Variants in FAM167A observed in about 807,000 individuals in gnomAD.
The protein encoded by FAM167A is protein FAM167A.
FAM167A carries 23 observed loss-of-function variants against 14.9 expected under a neutral mutation model. The ratio of observed to expected loss-of-function variants is 1.55; its 90% CI spans 1.11 to 2.19. FAM167A has a LOEUF of 2.19. FAM167A is among the 30% of genes most tolerant of loss of function. The pLI, the probability that FAM167A is intolerant of heterozygous loss-of-function variation, is 0.00. For missense variants in FAM167A, 401 were observed against 281.5 expected (o/e 1.42, Z -3.04); for synonymous variants, 174 against 117.7 (o/e 1.48, Z -3.10).
chr8:11,428,726 C>T (rs1281762583), intron 2 of FAM167A, among the ~76,000 whole-genome samples: 2 of 152,206 alleles, frequency 1.3e-5, no homozygotes, highest in East Asian at 3.8e-4. Flanking sequence ...CAGGGTTTGT[C>T]CCCGTGATGC....
At chr8:11,443,723 C>T (rs1325285322) in intron 2 of FAM167A, 2 of 316,030 alleles carry the variant, frequency 6.3e-6, no homozygotes, top group South Asian at 3.6e-5. Flanking sequence ...GAGCCAGACT[C>T]CAGTACTGGG....
rs1226532098 is a variant in FAM167A at position 11,423,149 on chromosome 8, ACCAAAGGT to A, written c.*1216_*1223del. 1 of 152,222 alleles carries A rather than the reference ACCAAAGGT, an allele frequency of 6.6e-6. No homozygotes were observed. Among genetic ancestry groups the A allele is most frequent in the African/African-American group, 2.4e-5 (1 of 41,384 alleles). The allele number at this position is 152,222 out of a possible 1,614,324, so 9.4% of individuals were successfully genotyped here. A position where few individuals can be genotyped will look rare whatever the true frequency, so the allele number is the denominator to read the frequency against. On this transcript the variant is annotated 3_prime_UTR_variant, in exon 3 of 3. Transcript: ENST00000284486. ...TAATGAGAGGACTCGACTAGATGAC[ACCAAAGGT>A]CAGAAACACTCCTTATCTCAGGATT... is the stretch of plus-strand genomic sequence containing the variant.
rs565788412 is a variant in FAM167A at position 11,442,365 on chromosome 8, T to G, written c.381+1666A>C. Among the ~76,000 whole-genome samples the G allele has an allele frequency of 5.3e-5, 8 of 152,214 alleles. 1 individual carries two copies. The highest frequency in any genetic ancestry group is 1.9e-4 in the African/African-American group (8 of 41,540). ...ATTGGTCTTCGGTGTGGCGTAGGCT[T>G]TGGGAATCCTAAAAGCTCCCCAGGT... On this transcript the variant is annotated intron_variant, in intron 2 of 2. Coordinates refer to ENST00000284486, the MANE Select transcript of FAM167A (RefSeq NM_053279.3).
chr8:11,428,200 A>G (rs1166740785), intron 2 of FAM167A, among the ~76,000 whole-genome samples: 1 of 152,222 alleles, frequency 6.6e-6, no homozygotes, highest in Admixed American at 6.5e-5. Context: ...GGGTGTGGCC[A>G]GGTGTCTAAG....
intron 2 of FAM167A, among the ~76,000 whole-genome samples, chr8:11,440,080 C>T (rs1448534222): frequency 2.0e-5 from 3 of 152,206 alleles, no homozygotes; most frequent in East Asian, 1.9e-4. Context: ...AAGGTGAAAC[C>T]TGGGGGCTGT....
chr8:11,470,129 T>C (rs182452489), upstream of FAM167A, among the ~76,000 whole-genome samples: 68 of 152,232 alleles, frequency 4.5e-4, no homozygotes, highest in South Asian at 1.9e-3. Flanking sequence ...ACAAATACGC[T>C]AAGTAAATAA....
intron 1 of FAM167A, among the ~76,000 whole-genome samples, chr8:11,466,087 T>C (rs536868529): frequency 3.2e-4 from 49 of 152,262 alleles, no homozygotes; most frequent in African/African-American, 1.1e-3. Flanking sequence ...GACCTGCTCA[T>C]TCCCGGGGGC....
chr8:11,439,472 G>C (rs560062633), intron 2 of FAM167A, among the ~76,000 whole-genome samples: 1 of 152,254 alleles, frequency 6.6e-6, no homozygotes, highest in Non-Finnish European at 1.5e-5. Context: ...CAGCCCCCTC[G>C]AAGCCACGCT....
intron 1 of FAM167A, among the ~76,000 whole-genome samples, chr8:11,460,090 G>A (rs1807478508): frequency 1.3e-5 from 2 of 152,220 alleles, no homozygotes; most frequent in Non-Finnish European, 2.9e-5. Context: ...GCCAGTCCCA[G>A]GGACAGCTGT....
chr8:11,438,002 A>T (rs2001463), intron 2 of FAM167A: 1 of 354,936 alleles, frequency 2.8e-6, no homozygotes, highest in Non-Finnish European at 5.6e-6. Flanking sequence ...TTGTCACACC[A>T]TGCCACTGTG....
chr8:11,467,280 C>A (rs1807813241), upstream of FAM167A, among the ~76,000 whole-genome samples: 1 of 152,282 alleles, frequency 6.6e-6, no homozygotes, highest in African/African-American at 2.4e-5. Context: ...GCCCCACTAA[C>A]CACAGGGTGT....
intron 2 of FAM167A, among the ~76,000 whole-genome samples, chr8:11,427,165 T>C (rs574435450): frequency 6.6e-6 from 1 of 152,320 alleles, no homozygotes; most frequent in East Asian, 1.9e-4. Context: ...GGCTTAGTGA[T>C]TGTGGAGTCC....
chr8:11,475,713 G>T (rs1392647294), intron 1 of FAM167A, among the ~76,000 whole-genome samples: 1 of 152,110 alleles, frequency 6.6e-6, no homozygotes, highest in East Asian at 1.9e-4. Flanking sequence ...GTGCCTATTT[G>T]CAGGTCCTAG....
upstream of FAM167A, among the ~76,000 whole-genome samples, chr8:11,471,341 C>G (rs556039842): frequency 6.6e-6 from 1 of 152,126 alleles, no homozygotes; most frequent in African/African-American, 2.4e-5. Context: ...GAGGAAGGAG[C>G]GCATCACGGC....
At chr8:11,438,524 T>A (rs1309749332) in intron 2 of FAM167A, 3 of 456,926 alleles carry the variant, frequency 6.6e-6, no homozygotes, top group Non-Finnish European at 1.3e-5. Context: ...GCACTTTTGC[T>A]TCTTTGGTCT....
intron 2 of FAM167A, among the ~76,000 whole-genome samples, chr8:11,441,422 C>G (rs1226343212): frequency 6.6e-6 from 1 of 152,210 alleles, no homozygotes; most frequent in Non-Finnish European, 1.5e-5. Context: ...CCAAAGGGAC[C>G]AGAATCTTCA....
chr8:11,435,440 C>T (rs1260872700), intron 2 of FAM167A, among the ~76,000 whole-genome samples: 1 of 152,224 alleles, frequency 6.6e-6, no homozygotes, highest in East Asian at 1.9e-4. Context: ...TGCTCTGGTG[C>T]TCAAAAGCCA....
At chr8:11,434,925 C>T in intron 2 of FAM167A, 1 of 413,986 alleles carries the variant, frequency 2.4e-6, no homozygotes, top group Non-Finnish European at 4.9e-6. Context: ...CTGCTGCTGG[C>T]TGGGTGAGGA....
chr8:11,472,800 A>G (rs1335691609), intron 1 of FAM167A, among the ~76,000 whole-genome samples: 2 of 152,138 alleles, frequency 1.3e-5, no homozygotes, highest in Admixed American at 1.3e-4. Context: ...TTTTCACTAG[A>G]ACGAGTGGTT....
Sources: gnomAD v4.1 joint callset for allele counts (sites outside exome capture counted in the v4.1 genomes callset) on GRCh38, gnomAD v4.1.1 for gene constraint, MANE v1.5 for transcripts, NCBI Gene and HGNC (gene_info 2026-07-23, HGNC 2026-07-21) for gene names.